AP2A2: variants seen among roughly 807,000 people sequenced by gnomAD.
The protein encoded by AP2A2 is adaptor related protein complex 2 subunit alpha 2.
In AP2A2, 32 loss-of-function variants were observed where a neutral mutation model predicts 104.2. The observed-to-expected ratio is 0.31, with a 90% confidence interval of 0.23 to 0.41. The LOEUF is 0.41. Among genes scored for constraint, AP2A2 ranks in the 10% least tolerant of loss-of-function variants. The pLI is 1.00. For missense variants in AP2A2, 912 were observed against 1,261.0 expected, an observed-to-expected ratio of 0.72 and a Z score of 4.19; for synonymous variants, 539 against 533.3, an observed-to-expected ratio of 1.01 and a Z score of -0.15.
chr11:988,471 C>A, intron 9 of AP2A2, 81 bp from the exon 10 acceptor site: 1 of 1,527,232 alleles, frequency 6.5e-7, no homozygotes, highest in Non-Finnish European at 8.9e-7. Context: ...TGTTGAGATG[C>A]GGGTGCCGAG....
rs760907083 is a variant in AP2A2 at position 977,211 on chromosome 11, A to G, written c.590A>G (p.Asn197Ser). 3 of 1,603,534 alleles carry G rather than the reference A, an allele frequency of 1.9e-6. No individual in the cohort carries two copies. The highest frequency in any genetic ancestry group is 2.3e-5 in the East Asian group (1 of 44,424). Residue 197 changes from asparagine (N) to serine (S), a missense_variant, in exon 5 of 22, where the codon AAT becomes AGT. Physicochemically the swap from Asn to Ser is conservative, Grantham distance 46. This residue lies in a region of AP2A2 where 350 missense variants were observed against 487.0 expected (regional missense o/e 0.72). Coordinates refer to ENST00000448903, the MANE Select transcript of AP2A2 (RefSeq NM_012305.4). ...DWTSRVVHLL[N>S]DQHLGVVTAA... ...ACATCCCGAGTGGTGCACCTGCTCA[A>G]TGACCAGCACTTGGTAAGCACCCTT...
intron 1 of AP2A2, among the ~76,000 whole-genome samples, chr11:950,552 G>T (rs1854018908): frequency 6.6e-6 from 1 of 152,024 alleles, no homozygotes; most frequent in Non-Finnish European, 1.5e-5. Context: ...TTCCCAAAGT[G>T]CTGGGATTAC....
Position 1,008,097 on chromosome 11 carries a change from C to T in AP2A2, c.2382C>T (p.Ser794=), listed in dbSNP as rs368398428. The change falls in exon 18 of 22, where the codon TCC becomes TCT. Residue 794 remains serine (S), a synonymous_variant. Coordinates refer to ENST00000448903, the MANE Select transcript of AP2A2 (RefSeq NM_012305.4). ...VQQVVNIECV[S]DFTEAPVLNI... ...AGGTGGTCAACATAGAGTGCGTGTCCGACTTCACGGAGGCGCCAGTCCTCA... is the reference window on the plus strand; with the variant it reads ...AGGTGGTCAACATAGAGTGCGTGTCTGACTTCACGGAGGCGCCAGTCCTCA... The T allele has an allele frequency of 2.6e-4, 421 of 1,605,112 alleles. No homozygotes were observed. Among genetic ancestry groups the T allele is most frequent in the Non-Finnish European group, 3.1e-4 (369 of 1,176,630 alleles).
intron 18 of AP2A2, chr11:1,008,413 T>G: frequency 2.5e-6 from 1 of 402,196 alleles, no homozygotes; most frequent in Non-Finnish European, 4.4e-6. Context: ...CCTCATGGGG[T>G]GGCAGACAGC....
At chr11:939,248 A>G (rs1448780469) in intron 1 of AP2A2, among the ~76,000 whole-genome samples, 4 of 129,094 alleles carry the variant, frequency 3.1e-5, no homozygotes, top group Admixed American at 1.5e-4. Flanking sequence ...ACTCTGTCTC[A>G]AAAAAAAAAA....
At chr11:1,008,881 G>A (rs1002244962) in intron 18 of AP2A2, 6 of 574,970 alleles carry the variant, frequency 1.0e-5, no homozygotes, top group Middle Eastern at 4.6e-4. Context: ...GCACAGGGAC[G>A]TCCTGCCTGA....
intron 4 of AP2A2, 105 bp from the exon 5 acceptor site, chr11:976,990 C>A: frequency 6.7e-7 from 1 of 1,502,762 alleles, no homozygotes; most frequent in Non-Finnish European, 9.0e-7. Flanking sequence ...TTGGCCCCTG[C>A]GCCAGCCCCA....
intron 1 of AP2A2, among the ~76,000 whole-genome samples, chr11:928,672 C>T (rs767311325): frequency 6.6e-6 from 1 of 152,244 alleles, no homozygotes; most frequent in Non-Finnish European, 1.5e-5. Context: ...TGTCCGCCGT[C>T]GAGAACCACT....
At chr11:994,665 C>T (rs1249048709) in intron 14 of AP2A2, among the ~76,000 whole-genome samples, 3 of 135,706 alleles carry the variant, frequency 2.2e-5, no homozygotes, top group Admixed American at 2.1e-4. Flanking sequence ...CTGGATGCCC[C>T]CCTGGCCTGT....
rs768287489 is a variant in AP2A2, at chr11:959,477, A to G, written c.108A>G (p.Glu36=). Residue 36 remains glutamate, a synonymous_variant, in exon 2 of 22, where the codon GAA becomes GAG. Transcript: ENST00000448903. ...KEAEIKRINK[E]LANIRSKFKG... is the part of the protein sequence containing the mutation. ...CAGAAATAAAAAGGATAAACAAGGAACTGGCAAATATCAGATCAAAATTTA... is the reference window on the plus strand; with the variant it reads ...CAGAAATAAAAAGGATAAACAAGGAGCTGGCAAATATCAGATCAAAATTTA... 1.3e-6 allele frequency: 2 copies of G among 1,560,054 alleles called. No individual in the cohort carries two copies. The highest frequency in any genetic ancestry group is 1.7e-5 in the Admixed American group (1 of 57,888).
At chr11:954,106 G>C (rs974405538) in intron 1 of AP2A2, among the ~76,000 whole-genome samples, 1 of 152,142 alleles carries the variant, frequency 6.6e-6, no homozygotes, top group Non-Finnish European at 1.5e-5. Context: ...AAGTGCAGAC[G>C]TGAGTCACTG....
At position 972,236 on chromosome 11, in the gene AP2A2, C is replaced by T; in HGVS notation, c.454C>T (p.Pro152Ser). Reference protein sequence around the residue: ...EMAEAFAGEIPKVLVAGDTMD... With the variant: ...EMAEAFAGEISKVLVAGDTMD... ...GGCCGAGGCCTTCGCCGGGGAGATC[C>T]CTAAGGTCCTCGTAGCCGGGTATGT... Residue 152 changes from proline (P) to serine (S), a missense_variant, in exon 4 of 22, where the codon CCT (proline) becomes TCT (serine). Physicochemically the swap from Pro to Ser is moderately conservative, Grantham distance 74. This residue lies in a region of AP2A2 where 350 missense variants were observed against 487.0 expected (regional missense o/e 0.72). Transcript: ENST00000448903. The T allele has an allele frequency of 6.2e-7, 1 of 1,603,256 alleles. No individual in the cohort carries two copies. The highest frequency in any genetic ancestry group is 8.5e-7 in the Non-Finnish European group (1 of 1,177,564).
At chr11:995,420 C>G (rs934345241) in intron 14 of AP2A2, 1 of 455,592 alleles carries the variant, frequency 2.2e-6, no homozygotes, top group Non-Finnish European at 4.4e-6. Context: ...AGGGAGGGCT[C>G]CTGTCGGGGT....
chr11:995,540 C>T (rs1016904701), intron 14 of AP2A2, among the ~76,000 whole-genome samples: 13 of 151,936 alleles, frequency 8.6e-5, no homozygotes, highest in African/African-American at 2.9e-4. Context: ...GTGGGGTGAG[C>T]TCCTGTGGTG....
intron 1 of AP2A2, among the ~76,000 whole-genome samples, chr11:937,889 C>G (rs1428902046): frequency 2.0e-5 from 3 of 152,166 alleles, no homozygotes; most frequent in Non-Finnish European, 2.9e-5. Context: ...GTCAGTTAGC[C>G]TAAGTCCCGG....
At chr11:1,002,556 C>T (rs926411927) in intron 15 of AP2A2, among the ~76,000 whole-genome samples, 4 of 152,272 alleles carry the variant, frequency 2.6e-5, no homozygotes, top group Non-Finnish European at 4.4e-5. Flanking sequence ...GCCTCAGCGG[C>T]TCTCGTGGCC....
In AP2A2 at chr11:1,009,098, A is replaced by G; in HGVS notation, c.2421-2A>G. 6.2e-7 allele frequency: 1 copy of G among 1,610,168 alleles called. No individual in the cohort carries two copies. The highest frequency in any genetic ancestry group is 8.5e-7 in the Non-Finnish European group (1 of 1,177,802). ...TCTTTCTGCTGCTGCTGCTGCTGGC[A>G]GGTATGGGGGCACCTTCCAGAACGT... On this transcript the variant is annotated splice_acceptor_variant, in intron 18 of 21. Transcript: ENST00000448903. LOFTEE classifies it high-confidence loss of function.
At chr11:963,154 G>T (rs916069788) in intron 2 of AP2A2, among the ~76,000 whole-genome samples, 1 of 152,130 alleles carries the variant, frequency 6.6e-6, no homozygotes, top group African/African-American at 2.4e-5. Flanking sequence ...TGGCTGGCAC[G>T]ATGGCTCATG....
chr11:960,373 G>A (rs1455912378), intron 2 of AP2A2, among the ~76,000 whole-genome samples: 1 of 152,106 alleles, frequency 6.6e-6, no homozygotes, highest in South Asian at 2.1e-4. Flanking sequence ...CTCCCGAGTA[G>A]CTGGGATTAC....
Sources: allele counts gnomAD v4.1 joint callset (sites outside exome capture counted in the v4.1 genomes callset), GRCh38; gene constraint gnomAD v4.1.1; regional missense constraint gnomAD v4.1.1; transcripts MANE v1.5; gene names NCBI Gene and HGNC (gene_info 2026-07-23, HGNC 2026-07-21).